WASF3: variants seen among roughly 807,000 people sequenced by gnomAD.
The protein encoded by WASF3 is WASP family member 3.
WASF3 carries 11 observed loss-of-function variants against 46.6 expected under a neutral mutation model. The observed-to-expected ratio is 0.24, with a 90% CI of 0.15 to 0.39. The LOEUF (loss-of-function observed/expected upper bound fraction) is 0.39, where lower values mean the gene tolerates loss of function less well. Among genes scored for constraint, WASF3 ranks in the 10% least tolerant of loss-of-function variants. The pLI is 1.00. For synonymous variants in WASF3, 242 were observed against 259.7 expected (o/e 0.93, Z 0.65); for missense variants, 576 against 669.8 (o/e 0.86, Z 1.55).
At position 26,642,358 on chromosome 13, in the gene WASF3, A is replaced by G; in HGVS notation, c.88A>G (p.Thr30Ala). 3 of 1,611,740 alleles carry G rather than the reference A, an allele frequency of 1.9e-6. No homozygotes were observed. In the South Asian group the frequency reaches 3.3e-5, roughly 18 times the overall value. ...GATTACCAGCGAACTTGAATGTGTAACCAATAGTACTCTTGCCGCTATCAT... is the reference window on the plus strand; with the variant it reads ...GATTACCAGCGAACTTGAATGTGTAGCCAATAGTACTCTTGCCGCTATCAT... ...EGITSELECV[T>A]NSTLAAIIRQ... The change falls in exon 3 of 10, where the codon ACC becomes GCC. Residue 30 changes from threonine to alanine, a missense_variant. Physicochemically the swap from Thr to Ala is moderately conservative, Grantham distance 58. Coordinates refer to ENST00000335327, the MANE Select transcript of WASF3 (RefSeq NM_006646.6).
chr13:26,623,612 G>C (rs1358182006), intron 2 of WASF3, among the ~76,000 whole-genome samples: 1 of 152,168 alleles, frequency 6.6e-6, no homozygotes, highest in Admixed American at 6.5e-5. Flanking sequence ...CCAAGACAGG[G>C]ACAAATATCA....
intron 1 of WASF3, among the ~76,000 whole-genome samples, chr13:26,558,120 C>A (rs1373049291): frequency 6.6e-6 from 1 of 151,858 alleles, no homozygotes; most frequent in African/African-American, 2.4e-5. Flanking sequence ...CTTTGCCGTC[C>A]GGTGCGCGCT....
intron 3 of WASF3, among the ~76,000 whole-genome samples, chr13:26,652,558 A>G (rs1882344355): frequency 6.6e-6 from 1 of 152,222 alleles, no homozygotes; most frequent in African/African-American, 2.4e-5. Flanking sequence ...GTTGTAGAAT[A>G]CACATTCTTT....
chr13:26,539,709 A>G, the WASF3 span, among the ~76,000 whole-genome samples: 1 of 152,112 alleles, frequency 6.6e-6, no homozygotes, highest in Non-Finnish European at 1.5e-5. Context: ...TGATTCTTCA[A>G]TGTCTCTCCA....
At chr13:26,612,720 A>G (rs1475728207) in intron 1 of WASF3, among the ~76,000 whole-genome samples, 1 of 152,176 alleles carries the variant, frequency 6.6e-6, no homozygotes, top group South Asian at 2.1e-4. Context: ...TCTGCCCTTC[A>G]GCTATTATTT....
Position 26,557,704 on chromosome 13 carries a change from T to TCGCTCGCGC in WASF3, c.-219_-211dup, listed in dbSNP as rs1008207224. On this transcript the variant is annotated 5_prime_UTR_variant, in exon 1 of 10. Transcript: ENST00000335327. ...GGCCGTGGACGGGCCGGAGGCGGCG[T>TCGCTCGCGC]CGCTCGCGCCGCTGCGTGCGGTGTG... 2 of 172,222 alleles carry TCGCTCGCGC rather than the reference T, an allele frequency of 1.2e-5. No individual in the cohort carries two copies. The highest frequency in any genetic ancestry group is 2.4e-5 in the Non-Finnish European group (2 of 82,534). 10.7% of individuals were successfully genotyped at this position (172,222 alleles called of 1,614,324 possible). A position where few individuals can be genotyped will look rare whatever the true frequency, so the allele number is the denominator to read the frequency against.
chr13:26,616,001 G>C (rs1881122992), intron 2 of WASF3, among the ~76,000 whole-genome samples: 1 of 138,362 alleles, frequency 7.2e-6, no homozygotes, highest in Non-Finnish European at 1.5e-5. Flanking sequence ...AATGCAGTTT[G>C]TTTGTCCATT....
At chr13:26,654,502 T>G (rs1343066871) in intron 3 of WASF3, among the ~76,000 whole-genome samples, 1 of 152,182 alleles carries the variant, frequency 6.6e-6, no homozygotes, top group Non-Finnish European at 1.5e-5. Context: ...ACACCCTTCA[T>G]GAGAACAGGG....
rs181435154 is a variant in WASF3, at chr13:26,580,049, G to A, written c.-109+22230G>A. On this transcript the variant is annotated intron_variant, in intron 1 of 9. Transcript: ENST00000335327. ...ATTTTTAGCTCATTAGCTGTCTTTA[G>A]TGTTAGTGTTAGTGTATTTTATGTG... Among the ~76,000 whole-genome samples, 96 of 150,474 alleles carry A rather than the reference G, an allele frequency of 6.4e-4. 1 individual carries two copies. Among genetic ancestry groups the A allele is most frequent in the Non-Finnish European group, 1.1e-3 (72 of 68,004 alleles).
At chr13:26,545,052 C>T in the WASF3 span, among the ~76,000 whole-genome samples, 1 of 152,224 alleles carries the variant, frequency 6.6e-6, no homozygotes, top group African/African-American at 2.4e-5. Context: ...ATGCTGAAGG[C>T]ACTGGGCATG....
chr13:26,654,398 T>C (rs1026521585), intron 3 of WASF3, among the ~76,000 whole-genome samples: 1 of 152,224 alleles, frequency 6.6e-6, no homozygotes, highest in African/African-American at 2.4e-5. Flanking sequence ...CCTTCCACTC[T>C]GTTCTCTATA....
intron 2 of WASF3, among the ~76,000 whole-genome samples, chr13:26,614,869 G>A (rs1216916864): frequency 6.6e-6 from 1 of 151,904 alleles, no homozygotes. Context: ...AGAACTCGGG[G>A]CTTCTGCTTG....
chr13:26,678,796 C>G (rs1883140547), intron 7 of WASF3, among the ~76,000 whole-genome samples: 1 of 152,180 alleles, frequency 6.6e-6, no homozygotes, highest in African/African-American at 2.4e-5. Flanking sequence ...GCCCAATTGT[C>G]CTTGTTTTTT....
At chr13:26,680,137 T>C in intron 7 of WASF3, 2 of 1,597,618 alleles carry the variant, frequency 1.3e-6, no homozygotes, top group Non-Finnish European at 1.7e-6. Context: ...GGGCATTGAG[T>C]TTATGAGTGA....
chr13:26,650,715 G>T (rs1593170377), intron 3 of WASF3, among the ~76,000 whole-genome samples: 1 of 152,168 alleles, frequency 6.6e-6, no homozygotes, highest in African/African-American at 2.4e-5. Flanking sequence ...TGCCAGAACT[G>T]AAAAATACAG....
intron 2 of WASF3, chr13:26,640,868 G>C (rs1032255088): frequency 6.6e-6 from 1 of 152,122 alleles, no homozygotes; most frequent in Non-Finnish European, 1.5e-5. Context: ...TTACTGCCTG[G>C]GTGGCAGTTT....
At chr13:26,596,525 A>G (rs572956439) in intron 1 of WASF3, among the ~76,000 whole-genome samples, 5 of 152,174 alleles carry the variant, frequency 3.3e-5, no homozygotes, top group African/African-American at 1.2e-4. Flanking sequence ...GTTTTCTGCA[A>G]GTCATATGTC....
chr13:26,566,025 A>AT (rs1199994074), intron 1 of WASF3, among the ~76,000 whole-genome samples: 2 of 152,228 alleles, frequency 1.3e-5, no homozygotes, highest in Admixed American at 6.5e-5. Context: ...GCTGCGTTAC[A>AT]TTAAGCTATA....
At chr13:26,611,707 C>G (rs1325373752) in intron 1 of WASF3, among the ~76,000 whole-genome samples, 1 of 152,144 alleles carries the variant, frequency 6.6e-6, no homozygotes, top group African/African-American at 2.4e-5. Flanking sequence ...GCTCACTTTT[C>G]TCTTTTACTC....
Sources: gnomAD v4.1 joint callset for allele counts (sites outside exome capture counted in the v4.1 genomes callset) on GRCh38, gnomAD v4.1.1 for gene constraint, MANE v1.5 for transcripts, NCBI Gene and HGNC (gene_info 2026-07-23, HGNC 2026-07-21) for gene names.